The following MCRIP1 variants were observed in gnomAD, a reference collection of about 807,000 sequenced individuals.
MCRIP1 encodes mapk-regulated corepressor-interacting protein 1.
In MCRIP1, 10 loss-of-function variants were observed where a neutral mutation model predicts 14.4. The ratio of observed to expected loss-of-function variants is 0.70; its 90% confidence interval spans 0.43 to 1.18. The LOEUF (loss-of-function observed/expected upper bound fraction) is 1.18. Among genes scored for constraint, MCRIP1 ranks in the 50% most tolerant of loss-of-function variants. The pLI, the probability that MCRIP1 is intolerant of heterozygous loss-of-function variation, is 0.00. For missense variants in MCRIP1, 119 were observed against 135.4 expected, an observed-to-expected ratio of 0.88 and a Z score of 0.60; for synonymous variants, 53 against 55.7, an observed-to-expected ratio of 0.95 and a Z score of 0.21.
At chr17:81,828,768 G>C (rs1022575647) in intron 1 of MCRIP1, among the ~76,000 whole-genome samples, 1 of 152,222 alleles carries the variant, frequency 6.6e-6, no homozygotes, top group African/African-American at 2.4e-5. Context: ...CTGGAGCCGG[G>C]GCCAGGACGG....
chr17:81,823,879 C>A lies in MCRIP1; in HGVS notation c.128-366G>T, dbSNP rs965172493. On this transcript the variant is annotated intron_variant, in intron 3 of 4. Transcript: ENST00000455127. This position sits in a 1 kb window ranked among gnomAD's most constrained non-coding sequence, Gnocchi z 6.0. ...CCAGCACACGGCACACTCCCCTAAT[C>A]CCAGACAACCACCTCCCGGCCACTT... 17 of 532,012 alleles carry A rather than the reference C, an allele frequency of 3.2e-5. No homozygotes were observed. The highest frequency in any genetic ancestry group is 1.1e-4 in the Admixed American group (3 of 27,616). The allele number at this position is 532,012 out of a possible 1,614,324, so 33.0% of individuals were successfully genotyped here. A position where few individuals can be genotyped will look rare whatever the true frequency, so the allele number is the denominator to read the frequency against.
intron 1 of MCRIP1, among the ~76,000 whole-genome samples, chr17:81,832,682 G>A (rs1469760457): frequency 3.3e-5 from 5 of 152,228 alleles, no homozygotes; most frequent in African/African-American, 1.2e-4. Flanking sequence ...CCGCCCCCGC[G>A]GTCACAACCA....
intron 3 of MCRIP1, 79 bp downstream of exon 3, chr17:81,824,208 G>A: frequency 2.5e-6 from 3 of 1,193,542 alleles, no homozygotes; most frequent in Non-Finnish European, 2.4e-6. Context: ...GAGGTTCCTC[G>A]GAGCGTGGGT....
rs1192684539 is a variant in MCRIP1 at position 81,823,211 on chromosome 17, T to G, written c.*36A>C. The G allele has an allele frequency of 6.5e-7, 1 of 1,533,210 alleles. No individual in the cohort carries two copies. The highest frequency in any genetic ancestry group is 8.7e-7 in the Non-Finnish European group (1 of 1,144,838). 95.0% of individuals were successfully genotyped at this position (1,533,210 alleles called of 1,614,324 possible). On this transcript the variant is annotated 3_prime_UTR_variant, in exon 5 of 5. Transcript: ENST00000455127. This position sits in a 1 kb window ranked among gnomAD's most constrained non-coding sequence, Gnocchi z 6.0. ...AGGAGGGAACCGACACCTCGCACCC[T>G]GATCTTCCGGAGGCCGGGGAGGGGC...
intron 1 of MCRIP1, chr17:81,825,836 C>G: frequency 7.8e-7 from 1 of 1,289,744 alleles, no homozygotes; most frequent in Non-Finnish European, 1.0e-6. Context: ...CTGCCAGGGA[C>G]TCCAGCCCAC....
intron 1 of MCRIP1, chr17:81,825,287 T>C (rs28549336): frequency 0.21 from 226,263 of 1,090,184 alleles, 24,930 homozygotes; most frequent in African/African-American, 0.36. Flanking sequence ...TCTGGAAAAA[T>C]GGAGTCTATT....
chr17:81,826,000 C>G, intron 1 of MCRIP1: 1 of 1,358,136 alleles, frequency 7.4e-7, no homozygotes, highest in Non-Finnish European at 9.7e-7. Context: ...GCTCTCACCA[C>G]TGACCGACTG....
rs549854554 is a variant in MCRIP1 at position 81,823,821 on chromosome 17, T to C, written c.128-308A>G. The C allele has an allele frequency of 1.1e-4, 62 of 571,008 alleles. 1 individual carries two copies. The South Asian group carries it at 1.1e-3, about 11-fold the overall frequency. 35.4% of individuals were successfully genotyped at this position (571,008 alleles called of 1,614,324 possible). A position where few individuals can be genotyped will look rare whatever the true frequency, so the allele number is the denominator to read the frequency against. On this transcript the variant is annotated intron_variant, in intron 3 of 4. Transcript: ENST00000455127. The surrounding 1 kb of genome is among the most constrained non-coding windows in gnomAD (Gnocchi z 6.0). ...CGCATCCTCCTCAGCTAGGCCTCTA[T>C]CTTTCCCACCTCATCCACGCACCTC...
Position 81,824,355 on chromosome 17 carries a change from C to A in MCRIP1, c.59G>T (p.Arg20Leu). ...GATCTCGCTGCTGCTGGGTGGGGAG[C>A]GGGGGCTGCTGGTCCTCTTGCCGTT... ...VYNGKRTSSPRSPPSSSEIFT... is the reference protein window; with the variant it reads ...VYNGKRTSSPLSPPSSSEIFT... Residue 20 changes from arginine to leucine, a missense_variant, in exon 3 of 5, where the codon CGC (arginine) becomes CTC (leucine). Arg to Leu is a moderately radical substitution (Grantham distance 102). Coordinates refer to ENST00000455127, the MANE Select transcript of MCRIP1 (RefSeq NM_207368.5). 1 of 1,517,158 alleles carries A rather than the reference C, an allele frequency of 6.6e-7. No individual in the cohort carries two copies. The highest frequency in any genetic ancestry group is 8.8e-7 in the Non-Finnish European group (1 of 1,136,696). 94.0% of individuals were successfully genotyped at this position (1,517,158 alleles called of 1,614,324 possible).
Position 81,823,110 on chromosome 17 carries a change from C to T in MCRIP1, c.*137G>A, listed in dbSNP as rs146213791. On this transcript the variant is annotated 3_prime_UTR_variant, in exon 5 of 5. Transcript: ENST00000455127. This position sits in a 1 kb window ranked among gnomAD's most constrained non-coding sequence, Gnocchi z 6.0. ...TTGGGAAGGAGAGGCAGGCCTCAGC[C>T]GTCAGTCACGCCAGTGCTGGGATCT... is the stretch of plus-strand genomic sequence containing the variant. 454 of 800,484 alleles carry T rather than the reference C, an allele frequency of 5.7e-4. 5 individuals are homozygous for T. In the African/African-American group the frequency reaches 6.1e-3, roughly 11 times the overall value. The allele number at this position is 800,484 out of a possible 1,614,324, so 49.6% of individuals were successfully genotyped here.
At chr17:81,824,965 C>A (rs1315952019) in intron 1 of MCRIP1, 2 of 1,073,328 alleles carry the variant, frequency 1.9e-6, no homozygotes, top group Non-Finnish European at 2.3e-6. Context: ...GGGCCTGCAG[C>A]CCCTCAGCTA....
intron 1 of MCRIP1, among the ~76,000 whole-genome samples, chr17:81,829,891 A>T (rs2038483463): frequency 1.3e-5 from 2 of 152,240 alleles, no homozygotes; most frequent in Admixed American, 1.3e-4. Context: ...CAAGTCACTT[A>T]GCACTAGGGT....
rs769104106 is a variant in MCRIP1 at position 81,824,510 on chromosome 17, G to A, written c.-4C>T. 1.9e-5 allele frequency: 29 copies of A among 1,535,996 alleles called. No individual in the cohort carries two copies. The highest frequency in any genetic ancestry group is 2.4e-5 in the South Asian group (2 of 84,068). On this transcript the variant is annotated 5_prime_UTR_variant, in exon 2 of 5. Transcript: ENST00000455127. ...TGCCTGAGACCCACCTGGTCATCGC[G>A]GGGGCGTCTGATCCTAGCGCTCCAC...
At chr17:81,830,462 C>T (rs769379994) in intron 1 of MCRIP1, among the ~76,000 whole-genome samples, 2 of 150,086 alleles carry the variant, frequency 1.3e-5, no homozygotes, top group Non-Finnish European at 1.5e-5. Context: ...CATGGTGAAA[C>T]CCCGTCTCTA....
At chr17:81,832,878 G>A (rs2038548333) in intron 1 of MCRIP1, among the ~76,000 whole-genome samples, 2 of 152,236 alleles carry the variant, frequency 1.3e-5, no homozygotes, top group Admixed American at 6.5e-5. Context: ...CAGGAGACCG[G>A]GAAAGCGGGG....
chr17:81,824,285 A>G lies in MCRIP1; in HGVS notation c.127+2T>C, dbSNP rs981447905. 2.0e-6 allele frequency: 3 copies of G among 1,534,136 alleles called. No individual in the cohort carries two copies. The highest frequency in any genetic ancestry group is 2.6e-6 in the Non-Finnish European group (3 of 1,145,116). On this transcript the variant is annotated splice_donor_variant, in intron 3 of 4. Transcript: ENST00000455127. LOFTEE classifies it high-confidence loss of function. ...GGAGCTGTGTGTGGCAGGCGCACCCACCTTCGTAAATGAAGCGGACGTTCT... is the reference window on the plus strand; with the variant it reads ...GGAGCTGTGTGTGGCAGGCGCACCCGCCTTCGTAAATGAAGCGGACGTTCT...
intron 1 of MCRIP1, chr17:81,826,260 T>C: frequency 2.0e-6 from 3 of 1,528,930 alleles, no homozygotes; most frequent in South Asian, 2.4e-5. Flanking sequence ...TGCCCACACA[T>C]ACCTACCTGC....
chr17:81,827,713 C>T (rs1008421009), intron 1 of MCRIP1, among the ~76,000 whole-genome samples: 1 of 151,408 alleles, frequency 6.6e-6, no homozygotes, highest in Non-Finnish European at 1.5e-5. Context: ...CAGAGGGAGA[C>T]TCTGTCTCTA....
Position 81,823,361 on chromosome 17 carries a change from T to C in MCRIP1, c.230-50A>G, listed in dbSNP as rs1039473900. The C allele has an allele frequency of 2.3e-5, 36 of 1,536,182 alleles. No individual in the cohort carries two copies. The highest frequency in any genetic ancestry group is 3.0e-5 in the Non-Finnish European group (34 of 1,146,392). Reference sequence around the variant, plus strand: ...GGTGGGCACAGGCCCCTCCTGCCCATGAGGCCCGGCCTGCCGGCCCAGCCC... The same window carrying C: ...GGTGGGCACAGGCCCCTCCTGCCCACGAGGCCCGGCCTGCCGGCCCAGCCC... On this transcript the variant is annotated intron_variant, in intron 4 of 4. Coordinates refer to ENST00000455127, the MANE Select transcript of MCRIP1 (RefSeq NM_207368.5). This position sits in a 1 kb window ranked among gnomAD's most constrained non-coding sequence, Gnocchi z 6.0.
Sources: gnomAD v4.1 joint callset for allele counts (sites outside exome capture counted in the v4.1 genomes callset) on GRCh38, gnomAD v4.1.1 for gene constraint, Gnocchi (gnomAD v3.1) non-coding constraint, MANE v1.5 for transcripts, NCBI Gene and HGNC (gene_info 2026-07-23, HGNC 2026-07-21) for gene names.